Variants in RNF169 observed in about 807,000 individuals in gnomAD.
RNF169 encodes the protein E3 ubiquitin-protein ligase RNF169.
A neutral mutation model predicts 53.9 loss-of-function variants in RNF169; 24 were observed. The ratio of observed to expected loss-of-function variants is 0.45; its 90% CI spans 0.32 to 0.63. The LOEUF (loss-of-function observed/expected upper bound fraction) is 0.63. RNF169 is among the 20% of genes least tolerant of loss of function. The pLI is 0.04. For synonymous variants in RNF169, 396 were observed against 363.5 expected (o/e 1.09, Z -1.02); for missense variants, 883 against 906.2 (o/e 0.97, Z 0.33).
chr11:74,779,896 G>T (rs1424402106), intron 1 of RNF169, among the ~76,000 whole-genome samples: 1 of 152,104 alleles, frequency 6.6e-6, no homozygotes, highest in African/African-American at 2.4e-5. Flanking sequence ...TTTGCCTGGG[G>T]TTGGCCTCAA....
At chr11:74,783,243 T>G (rs1192447906) in intron 1 of RNF169, among the ~76,000 whole-genome samples, 5 of 130,864 alleles carry the variant, frequency 3.8e-5, no homozygotes, top group Admixed American at 1.5e-4. Context: ...GTTTGTTTTG[T>G]TTTTTTTTTT....
intron 2 of RNF169, among the ~76,000 whole-genome samples, chr11:74,797,051 AT>A (rs2035659365): frequency 2.0e-5 from 3 of 152,206 alleles, no homozygotes; most frequent in African/African-American, 7.2e-5. Context: ...TTTTCTCCCC[AT>A]TGTGGGCTGA....
chr11:74,784,146 A>G (rs1353219173), intron 1 of RNF169, among the ~76,000 whole-genome samples: 1 of 152,212 alleles, frequency 6.6e-6, no homozygotes, highest in Non-Finnish European at 1.5e-5. Flanking sequence ...CATTTTACCT[A>G]TAATATTATA....
Position 74,839,732 on chromosome 11 carries a change from T to C in RNF169, c.*3002T>C, listed in dbSNP as rs1046410371. The C allele has an allele frequency of 4.6e-5, 7 of 152,106 alleles. No homozygotes were observed. Among genetic ancestry groups the C allele is most frequent in the African/African-American group, 1.7e-4 (7 of 41,410 alleles). The allele number at this position is 152,106 out of a possible 1,614,324, so 9.4% of individuals were successfully genotyped here. A position where few individuals can be genotyped will look rare whatever the true frequency, so the allele number is the denominator to read the frequency against. On this transcript the variant is annotated 3_prime_UTR_variant, in exon 6 of 6. Transcript: ENST00000299563. ...GAAGGGGGCTGTCAGCTCTTTTCCA[T>C]AGAGAGGGAAAGAAACTTTGAGAAA...
Position 74,836,182 on chromosome 11 carries a change from G to A in RNF169, c.1579G>A (p.Glu527Lys). 6.2e-7 allele frequency: 1 copy of A among 1,614,206 alleles called. No individual in the cohort carries two copies. Among genetic ancestry groups the A allele is most frequent in the Non-Finnish European group, 8.5e-7 (1 of 1,180,036 alleles). The change falls in exon 6 of 6, where the codon GAA (glutamate) becomes AAA (lysine). Residue 527 changes from glutamate to lysine, a missense_variant. This residue lies in a region of RNF169 where 351 missense variants were observed against 337.3 expected (regional missense o/e 1.04). Transcript: ENST00000299563. ...TAAAAGTAGCACTGAGATCCCACTGGAAACCTGCTGTTCCTCAGAACTCAA... is the reference window on the plus strand; with the variant it reads ...TAAAAGTAGCACTGAGATCCCACTGAAAACCTGCTGTTCCTCAGAACTCAA... ...DNKSSTEIPL[E>K]TCCSSELKGG... is the part of the protein sequence containing the mutation.
At chr11:74,770,045 G>A (rs2035236988) in intron 1 of RNF169, among the ~76,000 whole-genome samples, 1 of 152,200 alleles carries the variant, frequency 6.6e-6, no homozygotes, top group African/African-American at 2.4e-5. Flanking sequence ...TCCTGCCTCA[G>A]TCTCTCAAAG....
At chr11:74,766,924 A>G (rs1407093071) in intron 1 of RNF169, among the ~76,000 whole-genome samples, 1 of 152,246 alleles carries the variant, frequency 6.6e-6, no homozygotes, top group African/African-American at 2.4e-5. Context: ...AGTTAACAAA[A>G]TCACACAAGA....
In RNF169 at chr11:74,748,922, G is replaced by T. The variant is rs920152386; in HGVS notation, c.42G>T (p.Ala14=). Reference sequence around the variant, plus strand: ...CGAGTACTCGGGCCTCTTCCGCGGCGGCAGCAGCCGCTCTGAGTCGGCGGG... The same window carrying T: ...CGAGTACTCGGGCCTCTTCCGCGGCTGCAGCAGCCGCTCTGAGTCGGCGGG... The part of the protein sequence containing the change: ...AGPSTRASSA[A]AAAALSRRGR... Residue 14 remains alanine (A), a synonymous_variant, in exon 1 of 6, where the codon GCG becomes GCT. Transcript: ENST00000299563. The T allele has an allele frequency of 1.4e-6, 2 of 1,448,436 alleles. No individual in the cohort carries two copies. The highest frequency in any genetic ancestry group is 1.8e-6 in the Non-Finnish European group (2 of 1,090,634). 89.7% of individuals were successfully genotyped at this position (1,448,436 alleles called of 1,614,324 possible).
At chr11:74,799,226 T>G (rs987846669) in intron 2 of RNF169, among the ~76,000 whole-genome samples, 4 of 151,902 alleles carry the variant, frequency 2.6e-5, no homozygotes, top group African/African-American at 7.3e-5. Flanking sequence ...TCATAGTATA[T>G]CTTTAAGATA....
At position 74,836,577 on chromosome 11, in the gene RNF169, G is replaced by A. The variant is rs1179709605; in HGVS notation, c.1974G>A (p.Glu658=). ...GLAPTDPVLR[E]MEQKLQQEEE... ...CCCCAACAGACCCAGTCCTGCGAGA[G>A]ATGGAGCAGAAGCTTCAGCAAGAGG... The change falls in exon 6 of 6, where the codon GAG becomes GAA. Residue 658 remains glutamate, a synonymous_variant. Coordinates refer to ENST00000299563, the MANE Select transcript of RNF169 (RefSeq NM_001098638.2). 6.2e-7 allele frequency: 1 copy of A among 1,614,138 alleles called. No individual in the cohort carries two copies. Among genetic ancestry groups the A allele is most frequent in the Non-Finnish European group, 8.5e-7 (1 of 1,180,038 alleles).
intron 4 of RNF169, among the ~76,000 whole-genome samples, chr11:74,818,995 A>C (rs2035975804): frequency 1.3e-5 from 2 of 152,006 alleles, no homozygotes; most frequent in South Asian, 4.1e-4. Flanking sequence ...TTGTACTGTA[A>C]ATCACTTCAG....
Position 74,837,246 on chromosome 11 carries a change from C to T in RNF169, c.*516C>T, listed in dbSNP as rs142746232. 9.9e-3 allele frequency: 1,516 copies of T among 153,060 alleles called. 17 individuals carry two copies. Among genetic ancestry groups the T allele is most frequent in the Middle Eastern group, 0.027 (8 of 294 alleles). The allele number at this position is 153,060 out of a possible 1,614,324, so 9.5% of individuals were successfully genotyped here. A position where few individuals can be genotyped will look rare whatever the true frequency, so the allele number is the denominator to read the frequency against. ...TATATCAGTTAAGATTATGCCTTTA[C>T]AAAAGTTAATTTACATTCTCTGTTT... On this transcript the variant is annotated 3_prime_UTR_variant, in exon 6 of 6. Transcript: ENST00000299563.
chr11:74,829,315 T>C (rs1323080158), intron 4 of RNF169, among the ~76,000 whole-genome samples: 1 of 152,192 alleles, frequency 6.6e-6, no homozygotes, highest in Non-Finnish European at 1.5e-5. Context: ...CCAGTCAGAA[T>C]GGCTATTATT....
intron 2 of RNF169, among the ~76,000 whole-genome samples, chr11:74,808,917 C>T (rs757906438): frequency 6.6e-5 from 10 of 152,004 alleles, no homozygotes; most frequent in South Asian, 4.2e-4. Context: ...GCAGAGTTGC[C>T]GGTACTTTTT....
At chr11:74,764,683 G>T (rs571002413) in intron 1 of RNF169, among the ~76,000 whole-genome samples, 26 of 152,292 alleles carry the variant, frequency 1.7e-4, no homozygotes, top group South Asian at 8.3e-4. Flanking sequence ...TTGTGATGAA[G>T]AAAGAAGTCA....
At chr11:74,768,543 G>A (rs1446650421) in intron 1 of RNF169, among the ~76,000 whole-genome samples, 1 of 151,902 alleles carries the variant, frequency 6.6e-6, no homozygotes, top group Non-Finnish European at 1.5e-5. Flanking sequence ...GGAAGCGGTG[G>A]CTGTAGTGAG....
intron 1 of RNF169, among the ~76,000 whole-genome samples, chr11:74,752,728 G>T (rs954563908): frequency 6.6e-6 from 1 of 151,620 alleles, no homozygotes; most frequent in African/African-American, 2.4e-5. Flanking sequence ...TCTGTAACTT[G>T]CTTTTTTTTT....
At position 74,836,797 on chromosome 11, in the gene RNF169, G is replaced by A; in HGVS notation, c.*67G>A. The A allele has an allele frequency of 7.2e-6, 9 of 1,255,656 alleles. No homozygotes were observed. Among genetic ancestry groups the A allele is most frequent in the Non-Finnish European group, 9.9e-6 (9 of 908,192 alleles). The allele number at this position is 1,255,656 out of a possible 1,614,324, so 77.8% of individuals were successfully genotyped here. On this transcript the variant is annotated 3_prime_UTR_variant, in exon 6 of 6. Transcript: ENST00000299563. ...TTGATCATTTATCCTGAAGAGCTGA[G>A]TGTTCTCACTTTGGTTTTATTTTAA...
At chr11:74,784,154 A>T (rs1470539565) in intron 1 of RNF169, among the ~76,000 whole-genome samples, 1 of 152,250 alleles carries the variant, frequency 6.6e-6, no homozygotes, top group Non-Finnish European at 1.5e-5. Flanking sequence ...CTATAATATT[A>T]TACTTTAATG....
Sources: allele counts gnomAD v4.1 joint callset (sites outside exome capture counted in the v4.1 genomes callset), GRCh38; gene constraint gnomAD v4.1.1; regional missense constraint gnomAD v4.1.1; transcripts MANE v1.5; gene names NCBI Gene and HGNC (gene_info 2026-07-23, HGNC 2026-07-21).